The following TOP6BL variants were observed in gnomAD, a reference collection of about 807,000 sequenced individuals.
TOP6BL encodes TOP6B like initiator of meiotic double strand breaks, also known as type 2 DNA topoisomerase 6 subunit B-like.
At chr11:66,754,004 C>G in the TOP6BL span, among the ~76,000 whole-genome samples, 1 of 152,224 alleles carries the variant, frequency 6.6e-6, no homozygotes. Flanking sequence ...CACGCCTGGC[C>G]AACCAGGACT....
the TOP6BL span, among the ~76,000 whole-genome samples, chr11:66,840,668 T>C: frequency 6.6e-6 from 1 of 152,216 alleles, no homozygotes; most frequent in Non-Finnish European, 1.5e-5. Flanking sequence ...ACTTGCTTTT[T>C]CTGTGGCCTC....
chr11:66,779,850 G>A, the TOP6BL span, among the ~76,000 whole-genome samples: 1 of 152,254 alleles, frequency 6.6e-6, no homozygotes, highest in East Asian at 1.9e-4. Flanking sequence ...ATGAGTTCAT[G>A]TCGTTTGTAG....
the TOP6BL span, among the ~76,000 whole-genome samples, chr11:66,833,105 T>C: frequency 1.4e-5 from 2 of 147,524 alleles, no homozygotes; most frequent in Admixed American, 7.0e-5. Context: ...TGGAGTGCAG[T>C]GGCAACGATC....
the TOP6BL span, among the ~76,000 whole-genome samples, chr11:66,772,663 C>CA: frequency 6.6e-6 from 1 of 151,696 alleles, no homozygotes; most frequent in Non-Finnish European, 1.5e-5. Flanking sequence ...CCAGCTACTC[C>CA]AAAGGCTAAG....
chr11:66,822,680 TAG>T, the TOP6BL span: 1 of 1,528,666 alleles, frequency 6.5e-7, no homozygotes, highest in Non-Finnish European at 8.9e-7. Context: ...TTCAAGTTAG[TAG>T]GAGATTGGGA....
At chr11:66,748,889 A>G in the TOP6BL span, among the ~76,000 whole-genome samples, 1 of 150,440 alleles carries the variant, frequency 6.6e-6, no homozygotes, top group African/African-American at 2.4e-5. Flanking sequence ...AAAAAAAAAA[A>G]GGAAAAATGA....
At chr11:66,830,448 C>T in the TOP6BL span, among the ~76,000 whole-genome samples, 2 of 151,952 alleles carry the variant, frequency 1.3e-5, no homozygotes, top group Non-Finnish European at 2.9e-5. Context: ...AGAAAAAAGG[C>T]TCAAATCCAT....
the TOP6BL span, chr11:66,828,637 G>A: frequency 1.5e-5 from 5 of 338,342 alleles, no homozygotes; most frequent in African/African-American, 2.1e-5. Context: ...TTCAGTCCCC[G>A]TTACTCCATC....
At chr11:66,771,396 T>TACCG in the TOP6BL span, 1 of 152,078 alleles carries the variant, frequency 6.6e-6, no homozygotes, top group Non-Finnish European at 1.5e-5. Context: ...GGGCGGATCA[T>TACCG]GAGGTCAGGA....
At chr11:66,766,138 G>C in the TOP6BL span, among the ~76,000 whole-genome samples, 2 of 152,108 alleles carry the variant, frequency 1.3e-5, no homozygotes, top group Non-Finnish European at 2.9e-5. Flanking sequence ...GTTTAACTCT[G>C]TTGTTTTCTT....
the TOP6BL span, among the ~76,000 whole-genome samples, chr11:66,774,591 C>A: frequency 6.6e-6 from 1 of 151,978 alleles, no homozygotes; most frequent in Non-Finnish European, 1.5e-5. Context: ...GTAACTGGGA[C>A]TACAGGCGCC....
chr11:66,816,238 CA>C, the TOP6BL span: 4 of 1,579,370 alleles, frequency 2.5e-6, no homozygotes, highest in Non-Finnish European at 3.5e-6. Flanking sequence ...TGGGGTGTGC[CA>C]AATGCTAAGA....
the TOP6BL span, among the ~76,000 whole-genome samples, chr11:66,807,022 T>A: frequency 6.6e-6 from 1 of 152,212 alleles, no homozygotes; most frequent in Non-Finnish European, 1.5e-5. Context: ...AAATTTTTTG[T>A]CCTCTTGGGG....
the TOP6BL span, among the ~76,000 whole-genome samples, chr11:66,787,759 G>A: frequency 6.7e-6 from 1 of 149,832 alleles, no homozygotes; most frequent in Non-Finnish European, 1.5e-5. Context: ...AGTCATTCTT[G>A]AATTTTTCAG....
At chr11:66,782,350 C>T in the TOP6BL span, among the ~76,000 whole-genome samples, 1 of 152,308 alleles carries the variant, frequency 6.6e-6, no homozygotes, top group East Asian at 1.9e-4. Flanking sequence ...AGCACCTGCT[C>T]TGTGGGAAAT....
the TOP6BL span, among the ~76,000 whole-genome samples, chr11:66,792,103 C>G: frequency 1.3e-5 from 2 of 152,298 alleles, no homozygotes; most frequent in East Asian, 3.9e-4. Context: ...AGCCGCCGCA[C>G]CCAGCTTCCT....
At chr11:66,749,187 C>G in the TOP6BL span, among the ~76,000 whole-genome samples, 1 of 152,092 alleles carries the variant, frequency 6.6e-6, no homozygotes, top group Non-Finnish European at 1.5e-5. Flanking sequence ...AAGACATTTG[C>G]TTACCTGAAC....
chr11:66,747,909 C>T, the TOP6BL span, among the ~76,000 whole-genome samples: 13 of 152,264 alleles, frequency 8.5e-5, no homozygotes, highest in African/African-American at 3.1e-4. Flanking sequence ...CATAAGCTAC[C>T]GCGCAGGGCA....
At chr11:66,752,019 A>G in the TOP6BL span, among the ~76,000 whole-genome samples, 8 of 151,954 alleles carry the variant, frequency 5.3e-5, no homozygotes, top group East Asian at 1.4e-3. Context: ...TCTAATTTTG[A>G]CTTGATGCTT....
Sources: gnomAD v4.1 joint callset for allele counts (sites outside exome capture counted in the v4.1 genomes callset) on GRCh38, gnomAD v4.1.1 for gene constraint, MANE v1.5 for transcripts, NCBI Gene and HGNC (gene_info 2026-07-23, HGNC 2026-07-21) for gene names.